The following PTPRD variants were observed in gnomAD, a reference collection of about 807,000 sequenced individuals.
PTPRD encodes the protein protein tyrosine phosphatase receptor type D.
A neutral mutation model predicts 214.5 loss-of-function variants in PTPRD; 34 were observed. The ratio of observed to expected loss-of-function variants is 0.16; its 90% CI spans 0.12 to 0.21. The LOEUF (loss-of-function observed/expected upper bound fraction) is 0.21, where lower values mean the gene tolerates loss of function less well. Ranked by LOEUF, PTPRD falls within the 10% of genes least tolerant of loss-of-function variation. PTPRD has a pLI of 1.00. For synonymous variants in PTPRD, 1,128 were observed against 845.7 expected (o/e 1.33, Z -5.79); for missense variants, 2,545 against 2,398.7 (o/e 1.06, Z -1.27).
At position 9,790,582 on chromosome 9, in the gene PTPRD, A is replaced by G. The variant is rs573832760; in HGVS notation, c.-367-23731T>C. ...TAGATATTTTCTTCCTATGAACTCA[A>G]TACTAGTTTAATAGGTATAAATATA... On this transcript the variant is annotated intron_variant, in intron 5 of 45. Coordinates refer to ENST00000381196, the MANE Select transcript of PTPRD (RefSeq NM_002839.4). 3.9e-5 allele frequency among the ~76,000 whole-genome samples: 6 copies of G among 152,336 alleles called. No individual in the cohort carries two copies. The East Asian group carries it at 7.7e-4, about 20-fold the overall frequency.
chr9:9,006,946 C>T (rs2099473674), intron 11 of PTPRD, among the ~76,000 whole-genome samples: 1 of 151,892 alleles, frequency 6.6e-6, no homozygotes, highest in Non-Finnish European at 1.5e-5. Flanking sequence ...CTCTTTCTTC[C>T]TCTGTCCCAA....
chr9:9,846,346 A>T lies in PTPRD; in HGVS notation c.-367-79495T>A, dbSNP rs547031884. On this transcript the variant is annotated intron_variant, in intron 5 of 45. Transcript: ENST00000381196. ...CTCAGTTTTCACAAAATTTATCCAA[A>T]GTCTAGGTAAGAAATCAGACTTGTG... Among the ~76,000 whole-genome samples, 7 of 152,230 alleles carry T rather than the reference A, an allele frequency of 4.6e-5. No individual in the cohort carries two copies. In the South Asian group the frequency reaches 1.5e-3, roughly 32 times the overall value.
At chr9:8,338,874 G>GACTACTTTTC in intron 43 of PTPRD, 48 bp downstream of exon 43, 3 of 978,216 alleles carry the variant, frequency 3.1e-6, no homozygotes, top group Non-Finnish European at 2.9e-6. Context: ...AGGTATCTTA[G>GACTACTTTTC]ACTACTTTTC....
At chr9:9,828,162 C>A (rs1330167071) in intron 5 of PTPRD, among the ~76,000 whole-genome samples, 1 of 151,958 alleles carries the variant, frequency 6.6e-6, no homozygotes, top group Non-Finnish European at 1.5e-5. Context: ...GAGTATATAC[C>A]CAAAGGATTA....
At chr9:8,832,854 A>G (rs1341434370) in intron 11 of PTPRD, among the ~76,000 whole-genome samples, 3 of 152,026 alleles carry the variant, frequency 2.0e-5, no homozygotes, top group Non-Finnish European at 4.4e-5. Flanking sequence ...ATTTTTTCAT[A>G]AACGCATACC....
At chr9:10,286,233 A>G (rs1487555237) in intron 3 of PTPRD, among the ~76,000 whole-genome samples, 1 of 152,106 alleles carries the variant, frequency 6.6e-6, no homozygotes, top group East Asian at 1.9e-4. Flanking sequence ...TTTAAAAAAT[A>G]TCTGATGTCC....
intron 2 of PTPRD, among the ~76,000 whole-genome samples, chr9:10,575,669 A>G (rs115244992): frequency 0.018 from 2,678 of 152,214 alleles, 74 homozygotes; most frequent in African/African-American, 0.061. Flanking sequence ...TGGTGATTAC[A>G]AACCTTATTA....
chr9:8,512,669 ATTCT>A (rs997297076), intron 21 of PTPRD, among the ~76,000 whole-genome samples: 3 of 151,960 alleles, frequency 2.0e-5, no homozygotes, highest in African/African-American at 7.2e-5. Context: ...AATATATATA[ATTCT>A]TTATCTTTTG....
intron 11 of PTPRD, among the ~76,000 whole-genome samples, chr9:8,873,119 G>A (rs536926803): frequency 1.3e-4 from 20 of 152,312 alleles, no homozygotes; most frequent in African/African-American, 4.3e-4. Flanking sequence ...AGCAGGTGGT[G>A]AGACTCTCCA....
intron 10 of PTPRD, among the ~76,000 whole-genome samples, chr9:9,097,422 C>A (rs1013814267): frequency 1.5e-5 from 2 of 135,706 alleles, no homozygotes; most frequent in Non-Finnish European, 3.2e-5. Context: ...TTTTCTTTTT[C>A]TTTTGAGATG....
At chr9:9,080,162 A>G (rs2099757001) in intron 10 of PTPRD, among the ~76,000 whole-genome samples, 2 of 152,132 alleles carry the variant, frequency 1.3e-5, no homozygotes, top group African/African-American at 4.8e-5. Flanking sequence ...CTCAATTTAC[A>G]TCTCCCATGT....
At chr9:8,437,049 TCTC>T (rs1164463324) in intron 34 of PTPRD, 1 of 604,988 alleles carries the variant, frequency 1.7e-6, no homozygotes, top group Admixed American at 3.3e-5. Context: ...TCAAACTCCT[TCTC>T]CTGCACTGTG....
intron 14 of PTPRD, among the ~76,000 whole-genome samples, chr9:8,539,616 T>A (rs1456052228): frequency 6.6e-6 from 1 of 152,026 alleles, no homozygotes; most frequent in Non-Finnish European, 1.5e-5. Flanking sequence ...AAAGGGATAA[T>A]TCAAATTCTT....
chr9:10,527,441 G>A (rs539167328), intron 2 of PTPRD, among the ~76,000 whole-genome samples: 12 of 152,118 alleles, frequency 7.9e-5, no homozygotes, highest in Non-Finnish European at 1.8e-4. Flanking sequence ...GAGGAACTAA[G>A]AATAAAAGCG....
intron 9 of PTPRD, among the ~76,000 whole-genome samples, chr9:9,210,641 G>A (rs562875430): frequency 6.6e-6 from 1 of 151,970 alleles, no homozygotes; most frequent in African/African-American, 2.4e-5. Context: ...AATGGACTTG[G>A]ATTATTACTT....
intron 5 of PTPRD, among the ~76,000 whole-genome samples, chr9:9,791,138 G>A (rs1473491989): frequency 6.6e-6 from 1 of 151,824 alleles, no homozygotes; most frequent in African/African-American, 2.4e-5. Context: ...TTTTCCCACT[G>A]TCTTTTTGTT....
At chr9:9,428,471 A>G (rs943044219) in intron 8 of PTPRD, among the ~76,000 whole-genome samples, 2 of 152,186 alleles carry the variant, frequency 1.3e-5, no homozygotes, top group African/African-American at 2.4e-5. Flanking sequence ...TTAACATCCT[A>G]CTGTCAACAT....
intron 5 of PTPRD, among the ~76,000 whole-genome samples, chr9:9,937,294 C>G (rs1359047099): frequency 2.6e-5 from 4 of 151,110 alleles, no homozygotes; most frequent in Non-Finnish European, 5.9e-5. Context: ...TCTTTTTTCT[C>G]TATATACACA....
rs1369764213 is a variant in PTPRD at position 10,575,146 on chromosome 9, T to C, written c.-600+37252A>G. On this transcript the variant is annotated intron_variant, in intron 2 of 45. Transcript: ENST00000381196. Reference sequence around the variant, plus strand: ...CACTTGAAAACATAAAATAATTTTCTTCCCAATTATTTGACACTGTAGACA... The same window carrying C: ...CACTTGAAAACATAAAATAATTTTCCTCCCAATTATTTGACACTGTAGACA... Among the ~76,000 whole-genome samples the C allele has an allele frequency of 2.6e-5, 4 of 152,018 alleles. 1 individual carries two copies. Among genetic ancestry groups the C allele is most frequent in the Non-Finnish European group, 5.9e-5 (4 of 67,934 alleles).
Sources: gnomAD v4.1 joint callset for allele counts (sites outside exome capture counted in the v4.1 genomes callset) on GRCh38, gnomAD v4.1.1 for gene constraint, MANE v1.5 for transcripts, NCBI Gene and HGNC (gene_info 2026-07-23, HGNC 2026-07-21) for gene names.